Variants in DUSP22 observed in about 807,000 individuals in gnomAD.
The protein encoded by DUSP22 is dual specificity phosphatase 22.
In DUSP22, 24 loss-of-function variants were observed where a neutral mutation model predicts 24.5. The observed-to-expected ratio is 0.98, with a 90% CI of 0.71 to 1.38. The LOEUF is 1.38. Among genes scored for constraint, DUSP22 ranks in the 40% most tolerant of loss-of-function variants. The pLI is 0.00. For synonymous variants in DUSP22, 160 were observed against 106.4 expected (o/e 1.50, Z -3.10); for missense variants, 330 against 269.2 (o/e 1.23, Z -1.58).
chr6:343,958 T>C (rs1286663299), intron 4 of DUSP22, among the ~76,000 whole-genome samples: 1 of 152,306 alleles, frequency 6.6e-6, no homozygotes, highest in Non-Finnish European at 1.5e-5. Context: ...TGGGCAACTT[T>C]TGCTGTTTTA....
intron 6 of DUSP22, 183 bp from the exon 7 acceptor site, chr6:348,586 A>T (rs1760002061): frequency 9.3e-7 from 1 of 1,074,118 alleles, no homozygotes; most frequent in Non-Finnish European, 1.3e-6. Context: ...AGCACCTTGA[A>T]GGAGCAGTTC....
chr6:316,843 T>TGACA (rs1411058325), intron 3 of DUSP22, among the ~76,000 whole-genome samples: 1 of 152,308 alleles, frequency 6.6e-6, no homozygotes, highest in African/African-American at 2.4e-5. Context: ...TACTGTAAGA[T>TGACA]GACAGTGTAG....
In DUSP22 at chr6:350,656, A is replaced by G; in HGVS notation, c.*1705A>G. ...TACAGCTAAAACAATTTGCCAATAA[A>G]GTACATGTTTTTCCTAAGCCAAAAA... On this transcript the variant is annotated 3_prime_UTR_variant, in exon 7 of 7. Coordinates refer to ENST00000419235, the MANE Select transcript of DUSP22 (RefSeq NM_001286555.3). 6.6e-7 allele frequency: 1 copy of G among 1,508,976 alleles called. No individual in the cohort carries two copies. Among genetic ancestry groups the G allele is most frequent in the Non-Finnish European group, 8.9e-7 (1 of 1,129,382 alleles). 93.5% of individuals were successfully genotyped at this position (1,508,976 alleles called of 1,614,324 possible).
intron 3 of DUSP22, among the ~76,000 whole-genome samples, chr6:314,168 G>T (rs1758233201): frequency 6.6e-6 from 1 of 152,306 alleles, no homozygotes; most frequent in African/African-American, 2.4e-5. Flanking sequence ...AGCAAATGCA[G>T]TGAGCTGACC....
intron 1 of DUSP22, among the ~76,000 whole-genome samples, chr6:294,021 T>C (rs1369814618): frequency 1.3e-5 from 2 of 152,290 alleles, no homozygotes; most frequent in East Asian, 3.8e-4. Flanking sequence ...TTTGGCTGTT[T>C]CTAGTTTTCC....
chr6:313,279 A>G (rs1476095249), intron 3 of DUSP22, among the ~76,000 whole-genome samples: 1 of 152,304 alleles, frequency 6.6e-6, no homozygotes, highest in Non-Finnish European at 1.5e-5. Flanking sequence ...TCCCTGCTTC[A>G]TACTCCATTA....
At chr6:322,852 G>A (rs189613437) in intron 3 of DUSP22, among the ~76,000 whole-genome samples, 353 of 150,916 alleles carry the variant, frequency 2.3e-3, no homozygotes, top group Middle Eastern at 0.01. Flanking sequence ...GGGCCTTCGA[G>A]TCTGCAATAG....
chr6:345,973 G>A lies in DUSP22; in HGVS notation c.263+45G>A, dbSNP rs201410036. 2.0e-4 allele frequency: 326 copies of A among 1,607,358 alleles called. No homozygotes were observed. The highest frequency in any genetic ancestry group is 2.0e-3 in the African/African-American group (151 of 74,872). ...AATAGCGCCTTAGCGTATTCTGGTC[G>A]GCTTGGCTTCCCATCAAGTGTTTTT... On this transcript the variant is annotated intron_variant, in intron 5 of 6. Transcript: ENST00000419235.
chr6:312,285 C>T (rs1758145802), intron 3 of DUSP22, among the ~76,000 whole-genome samples: 1 of 152,302 alleles, frequency 6.6e-6, no homozygotes, highest in Non-Finnish European at 1.5e-5. Flanking sequence ...TCAGAATTAT[C>T]TCTGGTTTTA....
intron 3 of DUSP22, among the ~76,000 whole-genome samples, chr6:333,481 G>A (rs1164471923): frequency 6.6e-6 from 1 of 152,310 alleles, no homozygotes; most frequent in African/African-American, 2.4e-5. Flanking sequence ...AACTGTGAGG[G>A]GAAAGATGTT....
intron 4 of DUSP22, 44 bp downstream of exon 4, chr6:335,207 T>C (rs1393152353): frequency 1.3e-6 from 2 of 1,599,424 alleles, no homozygotes; most frequent in Admixed American, 1.7e-5. Context: ...TTTAAAAAAA[T>C]GAATAGAGGA....
intron 1 of DUSP22, among the ~76,000 whole-genome samples, chr6:301,438 G>A (rs1757575984): frequency 6.6e-6 from 1 of 152,310 alleles, no homozygotes; most frequent in Admixed American, 6.5e-5. Context: ...GAGCCAACCT[G>A]CGGAAGCCAT....
At chr6:327,628 A>G (rs1346944079) in intron 3 of DUSP22, among the ~76,000 whole-genome samples, 3 of 152,300 alleles carry the variant, frequency 2.0e-5, no homozygotes, top group Non-Finnish European at 2.9e-5. Flanking sequence ...TGCCAGGGCC[A>G]TGCGCCTGTG....
In DUSP22 at chr6:348,273, A is replaced by G; in HGVS notation, c.434A>G (p.Gln145Arg). 1 of 1,614,292 alleles carries G rather than the reference A, an allele frequency of 6.2e-7. No homozygotes were observed. Among genetic ancestry groups the G allele is most frequent in the Non-Finnish European group, 8.5e-7 (1 of 1,180,056 alleles). Residue 145 changes from glutamine (Q) to arginine (R), a missense_variant and splice_region_variant, in exon 6 of 7, where the codon CAG becomes CGG. Gln to Arg is a conservative substitution (Grantham distance 43, BLOSUM62 1). Coordinates refer to ENST00000419235, the MANE Select transcript of DUSP22 (RefSeq NM_001286555.3). ...LQEFEKHEVH[Q>R]YRQWLKEEYG... ...GAGTTTGAGAAGCATGAGGTCCATC[A>G]GGTAAGCAGTTCTTAGGGGACATCA... is the stretch of plus-strand genomic sequence containing the variant.
At chr6:304,736 G>GTA (rs1757744431) in intron 2 of DUSP22, 75 bp downstream of exon 2, 1 of 1,589,044 alleles carries the variant, frequency 6.3e-7, no homozygotes, top group African/African-American at 1.3e-5. Context: ...ATTTTAAAGT[G>GTA]TATAGGTCAG....
In DUSP22 at chr6:311,951, C is replaced by T. The variant is rs1581156939; in HGVS notation, c.127C>T (p.Pro43Ser). 1.9e-6 allele frequency: 3 copies of T among 1,611,708 alleles called. No homozygotes were observed. Among genetic ancestry groups the T allele is most frequent in the South Asian group, 1.1e-5 (1 of 90,846 alleles). Residue 43 changes from proline (P) to serine (S), a missense_variant, in exon 3 of 7, where the codon CCT becomes TCT. Coordinates refer to ENST00000419235, the MANE Select transcript of DUSP22 (RefSeq NM_001286555.3). Reference protein sequence around the residue: ...HILSVHDSARPMLEGVKYLCI... With the variant: ...HILSVHDSARSMLEGVKYLCI... ...TCTGTCTGTCCACGATAGTGCCAGGCCTATGTTGGAGGTAAGAGAGCACCG... is the reference window on the plus strand; with the variant it reads ...TCTGTCTGTCCACGATAGTGCCAGGTCTATGTTGGAGGTAAGAGAGCACCG...
chr6:314,476 A>T (rs1213087899), intron 3 of DUSP22, among the ~76,000 whole-genome samples: 1 of 152,312 alleles, frequency 6.6e-6, no homozygotes, highest in East Asian at 1.9e-4. Flanking sequence ...AAACATCTCA[A>T]TGAGTTTAAA....
chr6:292,853 T>G (rs893099497), intron 1 of DUSP22, among the ~76,000 whole-genome samples: 2 of 152,282 alleles, frequency 1.3e-5, no homozygotes, highest in African/African-American at 4.8e-5. Context: ...ACACTTGTTC[T>G]GCCGAGAGGT....
chr6:350,461 A>T lies in DUSP22; in HGVS notation c.*1510A>T. 8.7e-7 allele frequency: 1 copy of T among 1,152,430 alleles called. No homozygotes were observed. Among genetic ancestry groups the T allele is most frequent in the Non-Finnish European group, 1.1e-6 (1 of 932,872 alleles). 71.4% of individuals were successfully genotyped at this position (1,152,430 alleles called of 1,614,324 possible). ...ACCCAGTTTCTCTGAATTCCACCAC[A>T]AAAAGAGACCCTGAATAAGAAGAGC... On this transcript the variant is annotated 3_prime_UTR_variant, in exon 7 of 7. Coordinates refer to ENST00000419235, the MANE Select transcript of DUSP22 (RefSeq NM_001286555.3).
Sources: gnomAD v4.1 joint callset for allele counts (sites outside exome capture counted in the v4.1 genomes callset) on GRCh38, gnomAD v4.1.1 for gene constraint, MANE v1.5 for transcripts, NCBI Gene and HGNC (gene_info 2026-07-23, HGNC 2026-07-21) for gene names.